PP2D1: variants seen among roughly 807,000 people sequenced by gnomAD.
PP2D1 encodes protein phosphatase 2C like domain containing 1.
PP2D1 carries 25 observed loss-of-function variants against 30.2 expected under a neutral mutation model. The observed-to-expected ratio is 0.83, with a 90% CI of 0.60 to 1.16. The LOEUF is 1.16. Ranked by LOEUF, PP2D1 falls within the 50% of genes most tolerant of loss-of-function variation. The pLI is 0.00. For synonymous variants in PP2D1, 260 were observed against 258.9 expected, an observed-to-expected ratio of 1.00 and a Z score of -0.04; for missense variants, 760 against 742.4, an observed-to-expected ratio of 1.02 and a Z score of -0.28.
chr3:19,991,758 C>G (rs1349383039), intron 2 of PP2D1, among the ~76,000 whole-genome samples: 2 of 152,048 alleles, frequency 1.3e-5, no homozygotes, highest in Admixed American at 1.3e-4. Context: ...ACACTTGGAA[C>G]ACTTATTTAG....
downstream of PP2D1, among the ~76,000 whole-genome samples, chr3:19,982,486 C>T (rs1696948113): frequency 6.6e-6 from 1 of 152,134 alleles, no homozygotes; most frequent in African/African-American, 2.4e-5. Context: ...CTCAAAAATG[C>T]AACTCTTATC....
downstream of PP2D1, among the ~76,000 whole-genome samples, chr3:19,981,394 A>G (rs1361755704): frequency 6.6e-6 from 1 of 152,098 alleles, no homozygotes; most frequent in Non-Finnish European, 1.5e-5. Context: ...CTATCACCTG[A>G]GGTCAGGAGT....
At chr3:19,986,975 T>A (rs1697046635) in intron 2 of PP2D1, among the ~76,000 whole-genome samples, 2 of 150,754 alleles carry the variant, frequency 1.3e-5, no homozygotes, top group African/African-American at 2.4e-5. Flanking sequence ...AGGTGGAGGT[T>A]GTGGTGAGCT....
downstream of PP2D1, among the ~76,000 whole-genome samples, chr3:19,982,627 T>C (rs1456797266): frequency 1.3e-5 from 2 of 151,594 alleles, no homozygotes; most frequent in Non-Finnish European, 2.9e-5. Flanking sequence ...GGCGGAAGAG[T>C]TGCTTGAGCC....
intron 2 of PP2D1, among the ~76,000 whole-genome samples, chr3:19,992,533 C>A (rs886226537): frequency 2.6e-5 from 4 of 152,170 alleles, no homozygotes; most frequent in Admixed American, 2.6e-4. Flanking sequence ...CACATTTTCA[C>A]ACCCATGGAA....
chr3:19,985,727 GAAAC>G lies in PP2D1; in HGVS notation c.1542_1545del (p.Leu514PhefsTer36). ...CGTACTTCAGATACAGATTTATACT[GAAAC>G]AATACGTGGATATTACTCTGTGATT... On this transcript the variant is annotated frameshift_variant, in exon 3 of 3. Transcript: ENST00000389050. LOFTEE classifies it low-confidence loss of function (END_TRUNC). 6.5e-7 allele frequency: 1 copy of G among 1,535,836 alleles called. No individual in the cohort carries two copies. The highest frequency in any genetic ancestry group is 1.2e-5 in the South Asian group (1 of 84,054).
chr3:19,989,717 A>T (rs1697091502), intron 2 of PP2D1, among the ~76,000 whole-genome samples: 2 of 152,128 alleles, frequency 1.3e-5, no homozygotes, highest in African/African-American at 2.4e-5. Context: ...AATGAGAAAA[A>T]TTTTTACGTG....
chr3:19,997,432 T>A (rs192480404), intron 2 of PP2D1, among the ~76,000 whole-genome samples: 1 of 151,510 alleles, frequency 6.6e-6, no homozygotes, highest in South Asian at 2.1e-4. Flanking sequence ...TGTATTTTTG[T>A]TCCCCCCAAA....
At position 20,001,437 on chromosome 3, in the gene PP2D1, A is replaced by C. The variant is rs1697251106; in HGVS notation, c.683T>G (p.Leu228Arg). ...AGGATCAAATTTGGAAAGCTGATGG[A>C]GAAGTAAAACTGGGAGTTCCATTGA... Reference protein sequence around the residue: ...LTSMELPVLLLHQLSKFDPSY... With the variant: ...LTSMELPVLLRHQLSKFDPSY... Residue 228 changes from leucine (L) to arginine (R), a missense_variant, in exon 2 of 3, where the codon CTC becomes CGC. This residue lies in a region of PP2D1 where 374 missense variants were observed against 388.8 expected (regional missense o/e 0.96). Coordinates refer to ENST00000389050, the MANE Select transcript of PP2D1 (RefSeq NM_001252657.2). 2.0e-6 allele frequency: 3 copies of C among 1,536,608 alleles called. No individual in the cohort carries two copies. The highest frequency in any genetic ancestry group is 2.6e-6 in the Non-Finnish European group (3 of 1,147,008).
chr3:19,988,086 A>G (rs1356592129), intron 2 of PP2D1, among the ~76,000 whole-genome samples: 3 of 152,298 alleles, frequency 2.0e-5, no homozygotes, highest in African/African-American at 4.8e-5. Context: ...AATTGTTCAT[A>G]AACCATGTGT....
At chr3:19,980,792 C>A (rs1010772899), downstream of PP2D1, among the ~76,000 whole-genome samples, 1 of 152,092 alleles carries the variant, frequency 6.6e-6, no homozygotes, top group African/African-American at 2.4e-5. Context: ...TGCTACCAGC[C>A]CAGAGCCAGT....
At chr3:20,008,613 G>A (rs1356255446) in intron 1 of PP2D1, among the ~76,000 whole-genome samples, 4 of 152,004 alleles carry the variant, frequency 2.6e-5, no homozygotes, top group Non-Finnish European at 5.9e-5. Context: ...CTGGGCGGGC[G>A]CTGTAGCTCA....
At chr3:19,982,816 T>G (rs971749206), downstream of PP2D1, among the ~76,000 whole-genome samples, 2 of 151,690 alleles carry the variant, frequency 1.3e-5, no homozygotes, top group Admixed American at 1.3e-4. Context: ...CCAAAGGCTG[T>G]GGAAGCCAGG....
At chr3:19,989,358 CAG>C (rs1392550972) in intron 2 of PP2D1, among the ~76,000 whole-genome samples, 1 of 152,060 alleles carries the variant, frequency 6.6e-6, no homozygotes, top group Non-Finnish European at 1.5e-5. Context: ...GCATTAGTGT[CAG>C]ATATAGACAG....
chr3:19,985,945 A>C lies in PP2D1; in HGVS notation c.1328T>G (p.Ile443Arg), dbSNP rs551778362. ...AATAAGGAATTGACATAGGTCATCT[A>C]TAGGGACAGAAATAGTTTGAGGTGC... ...IPAPQTISVP[I>R]DDLCQFLIVA... Residue 443 changes from isoleucine to arginine, a missense_variant, in exon 3 of 3, where the codon ATA becomes AGA. Coordinates refer to ENST00000389050, the MANE Select transcript of PP2D1 (RefSeq NM_001252657.2). 17 of 1,536,356 alleles carry C rather than the reference A, an allele frequency of 1.1e-5. No individual in the cohort carries two copies. The highest frequency in any genetic ancestry group is 1.4e-5 in the Non-Finnish European group (16 of 1,146,926).
downstream of PP2D1, among the ~76,000 whole-genome samples, chr3:19,981,788 C>G (rs898075722): frequency 6.6e-6 from 1 of 151,952 alleles, no homozygotes; most frequent in Non-Finnish European, 1.5e-5. Context: ...GAGGTAAAGC[C>G]GTAACTGCTG....
intron 2 of PP2D1, 130 bp from the exon 3 acceptor site, chr3:19,986,312 T>G: frequency 1.5e-6 from 1 of 645,372 alleles, no homozygotes; most frequent in Non-Finnish European, 2.5e-6. Context: ...AAAAGTACGT[T>G]TAAATATGTG....
Position 20,001,923 on chromosome 3 carries a change from C to T in PP2D1, c.197G>A (p.Cys66Tyr). Residue 66 changes from cysteine to tyrosine, a missense_variant, in exon 2 of 3, where the codon TGT becomes TAT. This residue lies in a region of PP2D1 where 374 missense variants were observed against 388.8 expected (regional missense o/e 0.96). Coordinates refer to ENST00000389050, the MANE Select transcript of PP2D1 (RefSeq NM_001252657.2). ...GTCAATTTCGTGCTTGCATATGGAACAGGGTAATGTGGTCCCTTGCTCATA... is the reference window on the plus strand; with the variant it reads ...GTCAATTTCGTGCTTGCATATGGAATAGGGTAATGTGGTCCCTTGCTCATA... ...QVYEQGTTLP[C>Y]SICKHEIDLT... 6.5e-7 allele frequency: 1 copy of T among 1,536,402 alleles called. No homozygotes were observed.
intron 2 of PP2D1, among the ~76,000 whole-genome samples, chr3:19,999,365 C>T (rs927015109): frequency 2.0e-5 from 3 of 151,396 alleles, no homozygotes; most frequent in South Asian, 2.1e-4. Context: ...CGTCAGCCAC[C>T]GCGCCCAGCC....
Sources: allele counts gnomAD v4.1 joint callset (sites outside exome capture counted in the v4.1 genomes callset), GRCh38; gene constraint gnomAD v4.1.1; regional missense constraint gnomAD v4.1.1; transcripts MANE v1.5; gene names NCBI Gene and HGNC (gene_info 2026-07-23, HGNC 2026-07-21).